The following MACROD2 variants were observed in gnomAD, a reference collection of about 807,000 sequenced individuals.
MACROD2 encodes the protein mono-ADP ribosylhydrolase 2.
A neutral mutation model predicts 70.4 loss-of-function variants in MACROD2; 36 were observed. That is an observed-to-expected ratio of 0.51 (90% confidence interval 0.39 to 0.68). MACROD2 has a LOEUF of 0.68. MACROD2 is among the 30% of genes least tolerant of loss of function. The pLI, the probability that MACROD2 is intolerant of heterozygous loss-of-function variation, is 0.00. For missense variants in MACROD2, 496 were observed against 538.4 expected, an observed-to-expected ratio of 0.92 and a Z score of 0.78; for synonymous variants, 172 against 178.8, an observed-to-expected ratio of 0.96 and a Z score of 0.30.
intron 5 of MACROD2, among the ~76,000 whole-genome samples, chr20:15,082,256 G>A (rs2075709158): frequency 6.6e-6 from 1 of 152,172 alleles, no homozygotes; most frequent in African/African-American, 2.4e-5. Flanking sequence ...ACTAAACCGT[G>A]TGTCTGAATC....
In MACROD2 at chr20:14,002,397, A is replaced by G. The variant is rs778873789; in HGVS notation, c.156A>G (p.Gln52=). 6.3e-7 allele frequency: 1 copy of G among 1,582,720 alleles called. No homozygotes were observed. Among genetic ancestry groups the G allele is most frequent in the Admixed American group, 1.8e-5 (1 of 54,802 alleles). ...AGGAGGAGATGAAGGGCAAGGGCCA[A>G]AATGATGGTAAGTTTCTCGGAACAT... is the stretch of plus-strand genomic sequence containing the variant. ...SWKEEMKGKG[Q]NDEENTQETS... Residue 52 remains glutamine (Q), a synonymous_variant, in exon 2 of 18, where the codon CAA becomes CAG. Coordinates refer to ENST00000684519, the MANE Select transcript of MACROD2 (RefSeq NM_001351661.2).
At chr20:15,319,208 T>C (rs2077847054) in intron 6 of MACROD2, among the ~76,000 whole-genome samples, 1 of 152,136 alleles carries the variant, frequency 6.6e-6, no homozygotes, top group Admixed American at 6.5e-5. Flanking sequence ...TACTTTTCTT[T>C]AGAATAAGAG....
intron 3 of MACROD2, among the ~76,000 whole-genome samples, chr20:14,318,002 A>C (rs1374735715): frequency 6.6e-6 from 1 of 152,210 alleles, no homozygotes; most frequent in Non-Finnish European, 1.5e-5. Context: ...CATATTTTAG[A>C]AAGAGAAACT....
At chr20:16,044,743 A>G in intron 17 of MACROD2, 104 bp downstream of exon 17, 1 of 973,766 alleles carries the variant, frequency 1.0e-6, no homozygotes, top group Non-Finnish European at 1.6e-6. Context: ...TCCCCACAGC[A>G]TGGCTTGGGA....
chr20:15,628,261 T>TA (rs1196111976), intron 8 of MACROD2, among the ~76,000 whole-genome samples: 3 of 152,220 alleles, frequency 2.0e-5, no homozygotes, highest in Admixed American at 1.3e-4. Flanking sequence ...CATATACATT[T>TA]AAGCCTCATA....
chr20:14,100,539 A>G lies in MACROD2; in HGVS notation c.271+14811A>G, dbSNP rs957143611. The stretch of plus-strand genomic sequence containing the variant: ...GAAGTAAAATGTGTCAAATTTTACT[A>G]TCCAGAAATAACCACTATTAATACT... On this transcript the variant is annotated intron_variant, in intron 3 of 17. Coordinates refer to ENST00000684519, the MANE Select transcript of MACROD2 (RefSeq NM_001351661.2). Among the ~76,000 whole-genome samples the G allele has an allele frequency of 8.8e-5, 13 of 148,064 alleles. 1 individual carries two copies. Among genetic ancestry groups the G allele is most frequent in the Admixed American group, 6.1e-4 (9 of 14,660 alleles).
At chr20:15,514,941 T>C (rs541662299) in intron 8 of MACROD2, among the ~76,000 whole-genome samples, 2 of 152,366 alleles carry the variant, frequency 1.3e-5, no homozygotes, top group East Asian at 3.9e-4. Context: ...TCAATGCTTA[T>C]GAATCTCACT....
chr20:15,758,715 T>C (rs935605298), intron 8 of MACROD2, among the ~76,000 whole-genome samples: 6 of 151,940 alleles, frequency 3.9e-5, no homozygotes, highest in South Asian at 2.1e-4. Flanking sequence ...AGTTTTTTAG[T>C]ATTTTTTTGT....
Position 15,263,721 on chromosome 20 carries a change from A to G in MACROD2, c.540+33660A>G, listed in dbSNP as rs185011426. Among the ~76,000 whole-genome samples, 38 of 151,324 alleles carry G rather than the reference A, an allele frequency of 2.5e-4. No homozygotes were observed. In the East Asian group the frequency reaches 4.2e-3, roughly 17 times the overall value. On this transcript the variant is annotated intron_variant, in intron 6 of 17. Transcript: ENST00000684519. ...CTTCAATTTTCTGCATCAATACTTT[A>G]TACTGCTCATTGTAGAGATCTTTCA...
At chr20:15,768,383 G>A (rs138680989) in intron 8 of MACROD2, among the ~76,000 whole-genome samples, 1,625 of 152,264 alleles carry the variant, frequency 0.011, 31 homozygotes, top group African/African-American at 0.036. Context: ...ATATTTGTGT[G>A]TCTAAACATA....
At chr20:15,500,118 A>C (rs2047346730) in intron 8 of MACROD2, among the ~76,000 whole-genome samples, 2 of 152,192 alleles carry the variant, frequency 1.3e-5, no homozygotes, top group South Asian at 4.1e-4. Context: ...TATGGGTTAT[A>C]TGTGTGAAAA....
At chr20:14,460,078 G>A (rs1195363119) in intron 3 of MACROD2, among the ~76,000 whole-genome samples, 1 of 152,110 alleles carries the variant, frequency 6.6e-6, no homozygotes, top group African/African-American at 2.4e-5. Context: ...TGGCTGCACA[G>A]TGTTCCATGG....
intron 5 of MACROD2, among the ~76,000 whole-genome samples, chr20:14,715,736 G>A (rs1008113684): frequency 3.9e-5 from 6 of 152,140 alleles, no homozygotes; most frequent in African/African-American, 1.4e-4. Flanking sequence ...TTTAACGTGA[G>A]GCTTAGGGTC....
chr20:15,168,321 A>G (rs1035264850), intron 5 of MACROD2, among the ~76,000 whole-genome samples: 4 of 152,206 alleles, frequency 2.6e-5, no homozygotes, highest in Middle Eastern at 3.4e-3. Context: ...TTTAATACAT[A>G]TAAATCGAGG....
intron 8 of MACROD2, among the ~76,000 whole-genome samples, chr20:15,629,092 T>A (rs756617211): frequency 3.3e-5 from 5 of 152,234 alleles, no homozygotes; most frequent in Admixed American, 6.5e-5. Context: ...CATACTCTTG[T>A]ATATTGGGTG....
At chr20:14,979,574 C>A (rs999997218) in intron 5 of MACROD2, among the ~76,000 whole-genome samples, 3 of 152,304 alleles carry the variant, frequency 2.0e-5, no homozygotes, top group Non-Finnish European at 2.9e-5. Context: ...CCTTCTAATA[C>A]TTTGAGCTTC....
At chr20:14,809,221 T>C (rs909042001) in intron 5 of MACROD2, among the ~76,000 whole-genome samples, 1 of 151,950 alleles carries the variant, frequency 6.6e-6, no homozygotes, top group Non-Finnish European at 1.5e-5. Context: ...GAACAGAAAT[T>C]ATAACAAACA....
In MACROD2 at chr20:15,776,698, A is replaced by G. The variant is rs536876483; in HGVS notation, c.646-86047A>G. On this transcript the variant is annotated intron_variant, in intron 8 of 17. Coordinates refer to ENST00000684519, the MANE Select transcript of MACROD2 (RefSeq NM_001351661.2). Reference sequence around the variant, plus strand: ...GACAACGAGAACATTCCCTTTTAAAAGTTCCTATTTTCAAATCTGCCTAAC... The same window carrying G: ...GACAACGAGAACATTCCCTTTTAAAGGTTCCTATTTTCAAATCTGCCTAAC... 1.7e-4 allele frequency among the ~76,000 whole-genome samples: 26 copies of G among 152,314 alleles called. No individual in the cohort carries two copies. The South Asian group carries it at 2.7e-3, about 16-fold the overall frequency.
intron 3 of MACROD2, chr20:14,323,901 A>G (rs2082694566): frequency 6.6e-6 from 1 of 152,180 alleles, no homozygotes; most frequent in Non-Finnish European, 1.5e-5. Context: ...CATTTCTTAA[A>G]TTTTCCATCT....
Sources: gnomAD v4.1 joint callset for allele counts (sites outside exome capture counted in the v4.1 genomes callset) on GRCh38, gnomAD v4.1.1 for gene constraint, MANE v1.5 for transcripts, NCBI Gene and HGNC (gene_info 2026-07-23, HGNC 2026-07-21) for gene names.